The following PLGRKT variants were observed in gnomAD, a reference collection of about 807,000 sequenced individuals.
The protein encoded by PLGRKT is plasminogen receptor (KT).
PLGRKT carries 22 observed loss-of-function variants against 18.5 expected under a neutral mutation model. That is an observed-to-expected ratio of 1.19 (90% CI 0.85 to 1.70). The LOEUF (loss-of-function observed/expected upper bound fraction) is 1.70, where lower values mean the gene tolerates loss of function less well. Among genes scored for constraint, PLGRKT ranks in the 40% most tolerant of loss-of-function variants. The probability of loss-of-function intolerance (pLI) is 0.00; values close to 1 mark genes in which losing one functional copy is unlikely to be tolerated. For missense variants in PLGRKT, 235 were observed against 174.4 expected (o/e 1.35, Z -1.96); for synonymous variants, 72 against 52.8 (o/e 1.36, Z -1.58).
chr9:5,363,380 T>C (rs115303465), intron 3 of PLGRKT, among the ~76,000 whole-genome samples: 1,627 of 151,936 alleles, frequency 0.011, 38 homozygotes, highest in African/African-American at 0.037. Context: ...CACTGGCTTA[T>C]ATTCACTCCC....
At chr9:5,404,926 A>T (rs550361367) in intron 3 of PLGRKT, among the ~76,000 whole-genome samples, 1 of 152,330 alleles carries the variant, frequency 6.6e-6, no homozygotes, top group Admixed American at 6.5e-5. Flanking sequence ...CAACTTCAGC[A>T]AAGTCTGAGG....
rs186659770 is a variant in PLGRKT at position 5,410,732 on chromosome 9, A to C, written c.81+21165T>G. Among the ~76,000 whole-genome samples the C allele has an allele frequency of 1.7e-3, 258 of 152,330 alleles. 1 individual carries two copies. The highest frequency in any genetic ancestry group is 0.014 in the Middle Eastern group (4 of 294). The stretch of plus-strand genomic sequence containing the variant: ...TTGGAATAAGGCAGATCCACAGTAG[A>C]AAATTAAAACGTTTCACTTCTAGTA... On this transcript the variant is annotated intron_variant, in intron 3 of 5. Coordinates refer to ENST00000223864, the MANE Select transcript of PLGRKT (RefSeq NM_018465.4).
chr9:5,404,710 A>C (rs540599092), intron 3 of PLGRKT, among the ~76,000 whole-genome samples: 1 of 152,286 alleles, frequency 6.6e-6, no homozygotes, highest in East Asian at 1.9e-4. Context: ...CCCCTTGAAA[A>C]CCAGCACAAG....
In PLGRKT at chr9:5,432,126, T is replaced by C. The variant is rs374584357; in HGVS notation, c.-6-143A>G. 3 of 578,308 alleles carry C rather than the reference T, an allele frequency of 5.2e-6. No individual in the cohort carries two copies. The African/African-American group carries it at 5.6e-5, about 11-fold the overall frequency. The allele number at this position is 578,308 out of a possible 1,614,324, so 35.8% of individuals were successfully genotyped here. Reference sequence around the variant, plus strand: ...TCTAGGAACACAGTGTGGATTCTAGTTCTTGCTCCTAACTAGCTGCCTGAC... The same window carrying C: ...TCTAGGAACACAGTGTGGATTCTAGCTCTTGCTCCTAACTAGCTGCCTGAC... On this transcript the variant is annotated intron_variant, in intron 2 of 5. Coordinates refer to ENST00000223864, the MANE Select transcript of PLGRKT (RefSeq NM_018465.4).
Position 5,414,705 on chromosome 9 carries a change from C to T in PLGRKT, c.81+17192G>A, listed in dbSNP as rs79226239. Among the ~76,000 whole-genome samples the T allele has an allele frequency of 8.1e-3, 1,235 of 152,276 alleles. 20 individuals are homozygous for T. The highest frequency in any genetic ancestry group is 0.029 in the African/African-American group (1,200 of 41,556). ...GACAAAAGGAACATGCAAATAACGT[C>T]CTCTGGTTATCGAATCTGTTTCTCA... On this transcript the variant is annotated intron_variant, in intron 3 of 5. Transcript: ENST00000223864.
chr9:5,402,460 G>A (rs1408430375), intron 3 of PLGRKT, among the ~76,000 whole-genome samples: 1 of 151,942 alleles, frequency 6.6e-6, no homozygotes, highest in Non-Finnish European at 1.5e-5. Flanking sequence ...CTGTGGCTTA[G>A]GAACCCACTG....
chr9:5,391,608 T>C (rs1004497746), intron 3 of PLGRKT, among the ~76,000 whole-genome samples: 2 of 151,828 alleles, frequency 1.3e-5, no homozygotes, highest in African/African-American at 4.9e-5. Context: ...GACACACATT[T>C]TGGAGACTGT....
chr9:5,420,468 G>C (rs1818553780), intron 3 of PLGRKT, among the ~76,000 whole-genome samples: 1 of 152,124 alleles, frequency 6.6e-6, no homozygotes, highest in Admixed American at 6.5e-5. Flanking sequence ...AGGAACATGG[G>C]GAGACTACGG....
intron 3 of PLGRKT, among the ~76,000 whole-genome samples, chr9:5,412,945 A>C (rs1014304916): frequency 6.6e-6 from 1 of 152,144 alleles, no homozygotes; most frequent in Non-Finnish European, 1.5e-5. Context: ...AAAATTCACA[A>C]AAAAAACAAG....
At chr9:5,398,026 C>T (rs1331031218) in intron 3 of PLGRKT, among the ~76,000 whole-genome samples, 1 of 151,908 alleles carries the variant, frequency 6.6e-6, no homozygotes, top group Non-Finnish European at 1.5e-5. Flanking sequence ...CGAATGGATG[C>T]ATAGAGCAAA....
At chr9:5,402,006 T>A (rs1486950456) in intron 3 of PLGRKT, among the ~76,000 whole-genome samples, 1 of 151,900 alleles carries the variant, frequency 6.6e-6, no homozygotes, top group Non-Finnish European at 1.5e-5. Context: ...CCCAAAAATT[T>A]AATTTGTAAT....
chr9:5,371,555 T>G (rs1271887192), intron 3 of PLGRKT, among the ~76,000 whole-genome samples: 1 of 152,204 alleles, frequency 6.6e-6, no homozygotes, highest in African/African-American at 2.4e-5. Flanking sequence ...CTGCCAGGAT[T>G]CTGAGACCTT....
chr9:5,384,091 C>G (rs1817797366), intron 3 of PLGRKT, among the ~76,000 whole-genome samples: 1 of 152,176 alleles, frequency 6.6e-6, no homozygotes. Flanking sequence ...GGATCTGAGA[C>G]TCAGGCAGGA....
At chr9:5,373,817 T>C (rs1205167719) in intron 3 of PLGRKT, among the ~76,000 whole-genome samples, 1 of 152,020 alleles carries the variant, frequency 6.6e-6, no homozygotes, top group Non-Finnish European at 1.5e-5. Flanking sequence ...TTGTCTATGC[T>C]TAAGGTGGGG....
chr9:5,425,297 T>A (rs1473790958), intron 3 of PLGRKT, among the ~76,000 whole-genome samples: 2 of 152,184 alleles, frequency 1.3e-5, no homozygotes, highest in African/African-American at 4.8e-5. Flanking sequence ...TCATCCACCA[T>A]CCTAACACAG....
chr9:5,427,665 T>C (rs1818729272), intron 3 of PLGRKT, among the ~76,000 whole-genome samples: 2 of 152,220 alleles, frequency 1.3e-5, no homozygotes, highest in Non-Finnish European at 2.9e-5. Flanking sequence ...ACTGGGGATC[T>C]TGGACCATAT....
At chr9:5,373,752 G>A (rs1817574087) in intron 3 of PLGRKT, among the ~76,000 whole-genome samples, 2 of 151,958 alleles carry the variant, frequency 1.3e-5, no homozygotes, top group African/African-American at 4.8e-5. Context: ...GACAGAGTCT[G>A]GGTGACTAGA....
At chr9:5,437,178 G>T (rs565336189) in intron 1 of PLGRKT, among the ~76,000 whole-genome samples, 1 of 152,280 alleles carries the variant, frequency 6.6e-6, no homozygotes, top group South Asian at 2.1e-4. Context: ...GGGAGGAGAA[G>T]TGGTGCCTGC....
At chr9:5,423,808 T>A (rs1410608880) in intron 3 of PLGRKT, among the ~76,000 whole-genome samples, 1 of 149,950 alleles carries the variant, frequency 6.7e-6, no homozygotes, top group Admixed American at 6.7e-5. Flanking sequence ...GCTCAAGCAA[T>A]CCTCCCACCT....
Sources: allele counts gnomAD v4.1 joint callset (sites outside exome capture counted in the v4.1 genomes callset), GRCh38; gene constraint gnomAD v4.1.1; transcripts MANE v1.5; gene names NCBI Gene and HGNC (gene_info 2026-07-23, HGNC 2026-07-21).